The following CNTN4 variants were observed in gnomAD, a reference collection of about 807,000 sequenced individuals.
The protein encoded by CNTN4 is contactin-4.
In CNTN4, 77 loss-of-function variants were observed where a neutral mutation model predicts 122.5. The observed-to-expected ratio is 0.63, with a 90% CI of 0.52 to 0.76. The LOEUF (loss-of-function observed/expected upper bound fraction) is 0.76, where lower values mean the gene tolerates loss of function less well. Among genes scored for constraint, CNTN4 ranks in the 30% least tolerant of loss-of-function variants. The pLI is 0.00. For missense variants in CNTN4, 1,256 were observed against 1,259.1 expected, an observed-to-expected ratio of 1.00 and a Z score of 0.04; for synonymous variants, 512 against 447.0, an observed-to-expected ratio of 1.15 and a Z score of -1.83.
chr3:2,222,682 G>A (rs967069777), intron 2 of CNTN4, among the ~76,000 whole-genome samples: 1 of 151,620 alleles, frequency 6.6e-6, no homozygotes. Flanking sequence ...CACACCCCAG[G>A]GTACCAAACA....
chr3:2,640,763 T>G (rs1343910977), intron 4 of CNTN4, among the ~76,000 whole-genome samples: 1 of 152,184 alleles, frequency 6.6e-6, no homozygotes, highest in African/African-American at 2.4e-5. Context: ...TGATGACAGA[T>G]TTTCCACTCC....
At chr3:2,328,644 C>A (rs1479789556) in intron 2 of CNTN4, among the ~76,000 whole-genome samples, 1 of 150,326 alleles carries the variant, frequency 6.7e-6, no homozygotes, top group Non-Finnish European at 1.5e-5. Context: ...ATTCAACCAA[C>A]TGCGGATCAA....
rs144931293 is a variant in CNTN4, at chr3:2,971,564, C to T, written c.1359-16781C>T. The stretch of plus-strand genomic sequence containing the variant: ...AAAACAATAAGCAGAATTCTAGAAC[C>T]TTTGGAATAAATAATTCAGTACCAA... On this transcript the variant is annotated intron_variant, in intron 13 of 24. Transcript: ENST00000418658. Among the ~76,000 whole-genome samples, 532 of 152,104 alleles carry T rather than the reference C, an allele frequency of 3.5e-3. 3 individuals carry two copies. The highest frequency in any genetic ancestry group is 0.011 in the African/African-American group (464 of 41,468).
At chr3:2,901,708 G>T (rs892155026) in intron 11 of CNTN4, among the ~76,000 whole-genome samples, 1 of 152,162 alleles carries the variant, frequency 6.6e-6, no homozygotes, top group Non-Finnish European at 1.5e-5. Flanking sequence ...AGGAAATAAG[G>T]CTTTGTTCAG....
chr3:2,661,681 G>A (rs1477291159), intron 4 of CNTN4, among the ~76,000 whole-genome samples: 2 of 151,500 alleles, frequency 1.3e-5, no homozygotes, highest in Non-Finnish European at 2.9e-5. Context: ...GCGTAGTGGC[G>A]GGTGCTTGTA....
intron 3 of CNTN4, among the ~76,000 whole-genome samples, chr3:2,460,967 A>G (rs1309597740): frequency 6.6e-6 from 1 of 152,060 alleles, no homozygotes; most frequent in Non-Finnish European, 1.5e-5. Context: ...ATGGCCCCTT[A>G]CTAGGAAATA....
chr3:2,338,285 AT>A (rs1437694538), intron 2 of CNTN4, among the ~76,000 whole-genome samples: 1 of 151,992 alleles, frequency 6.6e-6, no homozygotes, highest in Non-Finnish European at 1.5e-5. Flanking sequence ...TTATTTTGCA[AT>A]TCAGCCAGAG....
At chr3:2,910,507 T>C (rs2094288441) in intron 12 of CNTN4, among the ~76,000 whole-genome samples, 1 of 152,128 alleles carries the variant, frequency 6.6e-6, no homozygotes, top group Non-Finnish European at 1.5e-5. Flanking sequence ...AGAGGCAAAG[T>C]TTTTCATCAG....
At chr3:2,878,551 C>CTGTG (rs1256548850) in intron 8 of CNTN4, among the ~76,000 whole-genome samples, 5 of 64,854 alleles carry the variant, frequency 7.7e-5, no homozygotes, top group African/African-American at 2.7e-4. Flanking sequence ...AAGAGATGCT[C>CTGTG]TCTGTGTGTG....
intron 2 of CNTN4, among the ~76,000 whole-genome samples, chr3:2,231,877 ATTTT>A (rs1214323375): frequency 1.3e-5 from 2 of 152,062 alleles, no homozygotes; most frequent in African/African-American, 4.8e-5. Flanking sequence ...GGATTTTGGT[ATTTT>A]TTCTTAGCCT....
intron 3 of CNTN4, among the ~76,000 whole-genome samples, chr3:2,420,602 T>A (rs1341831632): frequency 1.3e-5 from 2 of 151,836 alleles, no homozygotes; most frequent in African/African-American, 4.8e-5. Context: ...TGCCCACCTA[T>A]TTTTTGTATT....
At chr3:3,002,967 G>A (rs1696199713) in intron 14 of CNTN4, among the ~76,000 whole-genome samples, 1 of 152,180 alleles carries the variant, frequency 6.6e-6, no homozygotes, top group Non-Finnish European at 1.5e-5. Flanking sequence ...CATGCGATGA[G>A]GACCTGAAAG....
At chr3:2,646,245 T>C (rs1201937496) in intron 4 of CNTN4, among the ~76,000 whole-genome samples, 1 of 152,194 alleles carries the variant, frequency 6.6e-6, no homozygotes, top group Non-Finnish European at 1.5e-5. Flanking sequence ...GTAATAAACA[T>C]ATATAAACAC....
chr3:2,481,063 C>CTT (rs1575730827), intron 3 of CNTN4, among the ~76,000 whole-genome samples: 890 of 38,830 alleles, frequency 0.023, 11 homozygotes, highest in African/African-American at 0.053. Context: ...CTTTCTTTCT[C>CTT]TCTTTCTCTC....
chr3:2,362,878 C>G (rs1040594013), intron 3 of CNTN4: 6 of 154,986 alleles, frequency 3.9e-5, no homozygotes, highest in African/African-American at 1.4e-4. Context: ...ATAATGAAAA[C>G]AGGGGAAGAC....
chr3:2,170,546 A>C (rs1183338800), intron 2 of CNTN4, among the ~76,000 whole-genome samples: 2 of 152,194 alleles, frequency 1.3e-5, no homozygotes, highest in Non-Finnish European at 2.9e-5. Flanking sequence ...ACATGTGCCC[A>C]CATTAATCTG....
intron 2 of CNTN4, among the ~76,000 whole-genome samples, chr3:2,233,585 G>C (rs1477504594): frequency 6.6e-6 from 1 of 152,114 alleles, no homozygotes; most frequent in Non-Finnish European, 1.5e-5. Context: ...TAGATGGTTT[G>C]AGAAATCAAA....
rs957728383 is a variant in CNTN4, at chr3:2,988,596, C to A, written c.1486+124C>A. 1.1e-4 allele frequency: 111 copies of A among 980,420 alleles called. 1 individual carries two copies. In the South Asian group the frequency reaches 1.4e-3, roughly 13 times the overall value. 60.7% of individuals were successfully genotyped at this position (980,420 alleles called of 1,614,324 possible). ...ATACCACTGTATTGCTAAATTAATT[C>A]ATCACGGCAAACATGATATGATTAA... On this transcript the variant is annotated intron_variant, in intron 14 of 24. Coordinates refer to ENST00000418658, the MANE Select transcript of CNTN4 (RefSeq NM_175607.3).
At chr3:2,802,000 TATC>T (rs1216994095) in intron 6 of CNTN4, among the ~76,000 whole-genome samples, 2 of 152,244 alleles carry the variant, frequency 1.3e-5, no homozygotes, top group African/African-American at 4.8e-5. Flanking sequence ...TAAGGAAACA[TATC>T]ATTATTGGTC....
Sources: allele counts gnomAD v4.1 joint callset (sites outside exome capture counted in the v4.1 genomes callset), GRCh38; gene constraint gnomAD v4.1.1; transcripts MANE v1.5; gene names NCBI Gene and HGNC (gene_info 2026-07-23, HGNC 2026-07-21).